CENPP: variants seen among roughly 807,000 people sequenced by gnomAD.
The protein encoded by CENPP is centromere protein P.
Under a neutral mutation model 35.6 loss-of-function variants are expected in CENPP, and 24 were observed. The observed-to-expected ratio is 0.67, with a 90% CI of 0.49 to 0.95. CENPP has a LOEUF of 0.95. Ranked by LOEUF, CENPP falls within the 40% of genes least tolerant of loss-of-function variation. The pLI, the probability that CENPP is intolerant of heterozygous loss-of-function variation, is 0.00. For synonymous variants in CENPP, 120 were observed against 125.5 expected, an observed-to-expected ratio of 0.96 and a Z score of 0.29; for missense variants, 332 against 345.3, an observed-to-expected ratio of 0.96 and a Z score of 0.31.
intron 5 of CENPP, among the ~76,000 whole-genome samples, chr9:92,541,444 C>T (rs1284278322): frequency 2.8e-5 from 4 of 145,032 alleles, no homozygotes; most frequent in African/African-American, 1.0e-4. Context: ...CCCCCACACC[C>T]CCACCCTCCT....
At chr9:92,577,200 T>A (rs142980925) in intron 5 of CENPP, among the ~76,000 whole-genome samples, 51 of 152,192 alleles carry the variant, frequency 3.4e-4, no homozygotes, top group Non-Finnish European at 8.8e-5. Flanking sequence ...CAAAGAAACA[T>A]GTGCACATGT....
chr9:92,386,285 G>GTTA (rs756858889), intron 5 of CENPP: 61 of 1,612,030 alleles, frequency 3.8e-5, no homozygotes, highest in Non-Finnish European at 5.1e-5. Context: ...GGAAGGTGAG[G>GTTA]TTATTCAGTT....
intron 4 of CENPP, among the ~76,000 whole-genome samples, chr9:92,372,099 C>CTTTTTTTTTTTTTTTTTTTTTTTT (rs71362382): frequency 2.3e-4 from 7 of 30,680 alleles, no homozygotes; most frequent in African/African-American, 6.9e-4. Context: ...TGCCAGCCAT[C>CTTTTTTTTTTTTTTTTTTTTTTTT]TTTTTTTTTT....
chr9:92,494,306 T>G (rs1364766892), intron 5 of CENPP, among the ~76,000 whole-genome samples: 2 of 152,226 alleles, frequency 1.3e-5, no homozygotes, highest in Non-Finnish European at 2.9e-5. Flanking sequence ...ACCATTTATG[T>G]CAATGTGTTT....
chr9:92,446,201 G>A (rs777946238), intron 5 of CENPP, among the ~76,000 whole-genome samples: 4 of 152,124 alleles, frequency 2.6e-5, no homozygotes, highest in Non-Finnish European at 5.9e-5. Flanking sequence ...AGTTGTCCCA[G>A]TGTTTCTGCC....
chr9:92,567,391 T>TATATATATATATATATATATATAG (rs374567670), intron 5 of CENPP, among the ~76,000 whole-genome samples: 4 of 98,376 alleles, frequency 4.1e-5, no homozygotes, highest in Admixed American at 9.6e-5. Context: ...TATATATATA[T>TATATATATATATATATATATATAG]ATATAGATAT....
intron 5 of CENPP, among the ~76,000 whole-genome samples, chr9:92,512,432 T>C (rs977501889): frequency 1.3e-5 from 2 of 152,198 alleles, no homozygotes; most frequent in African/African-American, 2.4e-5. Flanking sequence ...ACTGGTAACA[T>C]TGTACATTTA....
At position 92,619,263 on chromosome 9, in the gene CENPP, A is replaced by G. The variant is rs927179250; in HGVS notation, c.*6114A>G. 1.9e-6 allele frequency: 1 copy of G among 531,246 alleles called. No individual in the cohort carries two copies. Among genetic ancestry groups the G allele is most frequent in the Non-Finnish European group, 3.4e-6 (1 of 295,452 alleles). 32.9% of individuals were successfully genotyped at this position (531,246 alleles called of 1,614,324 possible). ...AACAGTAACTTTCAATGTACTAACA[A>G]TCCTTTTAAGTTATTCTCCATAAAT... On this transcript the variant is annotated 3_prime_UTR_variant, in exon 8 of 8. Coordinates refer to ENST00000375587, the MANE Select transcript of CENPP (RefSeq NM_001012267.3).
intron 5 of CENPP, among the ~76,000 whole-genome samples, chr9:92,557,388 T>C (rs1849750060): frequency 2.0e-5 from 3 of 152,238 alleles, no homozygotes; most frequent in African/African-American, 7.2e-5. Context: ...CTGGGGAAGT[T>C]TTCCTCAATT....
At chr9:92,573,095 C>T (rs1850185859) in intron 5 of CENPP, among the ~76,000 whole-genome samples, 1 of 152,226 alleles carries the variant, frequency 6.6e-6, no homozygotes, top group Non-Finnish European at 1.5e-5. Flanking sequence ...CTTCTTCTCT[C>T]AACTCGTCAA....
At chr9:92,387,467 C>T in intron 5 of CENPP, among the ~76,000 whole-genome samples, 1 of 151,874 alleles carries the variant, frequency 6.6e-6, no homozygotes, top group South Asian at 2.1e-4. Flanking sequence ...TCCCTAAGGG[C>T]TTAATGTTGG....
At chr9:92,507,522 C>T (rs747862957) in intron 5 of CENPP, among the ~76,000 whole-genome samples, 15 of 152,112 alleles carry the variant, frequency 9.9e-5, no homozygotes, top group African/African-American at 3.4e-4. Context: ...AGCTAGAGAA[C>T]GTTTCTTGTA....
At chr9:92,512,244 C>G (rs41280065) in intron 5 of CENPP, 23,029 of 575,920 alleles carry the variant, frequency 0.04, 606 homozygotes, top group South Asian at 0.074. Flanking sequence ...GAAAGCAATA[C>G]TCAGAACAAG....
intron 5 of CENPP, chr9:92,495,915 T>TC: frequency 1.3e-5 from 13 of 985,334 alleles, no homozygotes; most frequent in Non-Finnish European, 1.6e-5. Flanking sequence ...TTTTTTGTTG[T>TC]CATTATGCTT....
chr9:92,349,436 G>A (rs1319363114), intron 4 of CENPP, among the ~76,000 whole-genome samples: 2 of 145,420 alleles, frequency 1.4e-5, no homozygotes, highest in East Asian at 2.0e-4. Flanking sequence ...ACGGAGTCTC[G>A]CCCTGTCACC....
chr9:92,335,306 GA>G (rs1247164116), intron 2 of CENPP, among the ~76,000 whole-genome samples: 1 of 152,070 alleles, frequency 6.6e-6, no homozygotes, highest in East Asian at 1.9e-4. Flanking sequence ...TGGACATAAA[GA>G]AAAAATAAAG....
At chr9:92,430,875 A>G (rs1588125304) in intron 5 of CENPP, among the ~76,000 whole-genome samples, 1 of 151,556 alleles carries the variant, frequency 6.6e-6, no homozygotes, top group East Asian at 1.9e-4. Context: ...GGCTCACTGC[A>G]CCCTCCGCCT....
intron 5 of CENPP, among the ~76,000 whole-genome samples, chr9:92,529,917 G>A (rs1471659578): frequency 2.6e-5 from 4 of 152,130 alleles, no homozygotes; most frequent in African/African-American, 7.2e-5. Context: ...AACCATGAGC[G>A]AAAAATGTAG....
intron 5 of CENPP, among the ~76,000 whole-genome samples, chr9:92,381,554 C>T (rs1357082026): frequency 6.6e-6 from 1 of 152,110 alleles, no homozygotes; most frequent in East Asian, 1.9e-4. Context: ...AAGCCCAGTG[C>T]CCTCCCCCTG....
Sources: gnomAD v4.1 joint callset for allele counts (sites outside exome capture counted in the v4.1 genomes callset) on GRCh38, gnomAD v4.1.1 for gene constraint, MANE v1.5 for transcripts, NCBI Gene and HGNC (gene_info 2026-07-23, HGNC 2026-07-21) for gene names.